LRRC4C: variants seen among roughly 807,000 people sequenced by gnomAD.
LRRC4C encodes the protein leucine-rich repeat-containing protein 4C.
In LRRC4C, 5 loss-of-function variants were observed where a neutral mutation model predicts 33.6. The ratio of observed to expected loss-of-function variants is 0.15; its 90% CI spans 0.08 to 0.31. The LOEUF (loss-of-function observed/expected upper bound fraction) is 0.31, where lower values mean the gene tolerates loss of function less well. Among genes scored for constraint, LRRC4C ranks in the 10% least tolerant of loss-of-function variants. The pLI is 1.00. For missense variants in LRRC4C, 560 were observed against 796.7 expected, an observed-to-expected ratio of 0.70 and a Z score of 3.58; for synonymous variants, 329 against 302.0, an observed-to-expected ratio of 1.09 and a Z score of -0.93.
chr11:40,799,414 A>T (rs1565076037), intron 2 of LRRC4C, among the ~76,000 whole-genome samples: 2 of 152,248 alleles, frequency 1.3e-5, no homozygotes, highest in African/African-American at 2.4e-5. Context: ...GTATAAAAAA[A>T]CAACATGGTA....
chr11:40,644,015 A>C (rs541320345), intron 3 of LRRC4C, among the ~76,000 whole-genome samples: 24 of 152,346 alleles, frequency 1.6e-4, no homozygotes, highest in African/African-American at 5.8e-4. Context: ...ATTAGATGCT[A>C]ATATCAAGGA....
rs1172804201 is a variant in LRRC4C, at chr11:40,486,476, C to T, written c.-270+161666G>A. On this transcript the variant is annotated intron_variant, in intron 3 of 6. Transcript: ENST00000528697. ...TCAAAAAGATCTAACAAGTATGATG[C>T]ATGGGCTTAACTATGATTGGTTCTC... is the stretch of plus-strand genomic sequence containing the variant. Among the ~76,000 whole-genome samples, 3 of 152,132 alleles carry T rather than the reference C, an allele frequency of 2.0e-5. No homozygotes were observed. In the East Asian group the frequency reaches 5.8e-4, roughly 29 times the overall value.
chr11:40,969,848 G>A (rs1314673790), intron 1 of LRRC4C, among the ~76,000 whole-genome samples: 1 of 152,028 alleles, frequency 6.6e-6, no homozygotes, highest in Non-Finnish European at 1.5e-5. Flanking sequence ...TATCTTTGTA[G>A]CTAATATACT....
Position 40,319,659 on chromosome 11 carries a change from T to A in LRRC4C, c.-207A>T, listed in dbSNP as rs1369168591. ...AAAATTTCTCCAACAGGTATTGATC[T>A]TCCTGAGAAAACTCAAAGAAGTTTA... On this transcript the variant is annotated 5_prime_UTR_variant, in exon 4 of 7. It adds an upstream start codon to the 5' untranslated region. Coordinates refer to ENST00000528697, the MANE Select transcript of LRRC4C (RefSeq NM_001258419.2). 2 of 152,216 alleles carry A rather than the reference T, an allele frequency of 1.3e-5. 1 individual carries two copies. The highest frequency in any genetic ancestry group is 4.8e-5 in the African/African-American group (2 of 41,460). The allele number at this position is 152,216 out of a possible 1,614,324, so 9.4% of individuals were successfully genotyped here. A position where few individuals can be genotyped will look rare whatever the true frequency, so the allele number is the denominator to read the frequency against.
intron 2 of LRRC4C, among the ~76,000 whole-genome samples, chr11:40,691,801 A>G (rs1312760258): frequency 6.6e-6 from 1 of 152,092 alleles, no homozygotes; most frequent in East Asian, 1.9e-4. Context: ...CAAAATATTT[A>G]TGTATTTTGA....
At chr11:40,911,139 A>C (rs1174601762) in intron 2 of LRRC4C, among the ~76,000 whole-genome samples, 1 of 152,134 alleles carries the variant, frequency 6.6e-6, no homozygotes, top group Non-Finnish European at 1.5e-5. Flanking sequence ...AGCCAAACAA[A>C]AGGCAGCAGA....
rs139500984 is a variant in LRRC4C, at chr11:40,653,592, C to G, written c.-406-5314G>C. On this transcript the variant is annotated intron_variant, in intron 2 of 6. Coordinates refer to ENST00000528697, the MANE Select transcript of LRRC4C (RefSeq NM_001258419.2). ...GAAGCTATTCAGTTTTATGCATTCA[C>G]AAAGATATGGTTTGGAATTGAAACT... Among the ~76,000 whole-genome samples the G allele has an allele frequency of 4.5e-3, 687 of 152,146 alleles. 7 individuals are homozygous for G. Among genetic ancestry groups the G allele is most frequent in the African/African-American group, 0.016 (662 of 41,500 alleles).
At chr11:41,190,155 CT>C (rs796563561) in intron 1 of LRRC4C, among the ~76,000 whole-genome samples, 16 of 151,644 alleles carry the variant, frequency 1.1e-4, no homozygotes, top group East Asian at 3.9e-4. Context: ...AGGACACTAG[CT>C]TTTTTTTTCT....
chr11:41,150,225 CAAAAAACTGCTAGTGTATTCT>C (rs1224156112), intron 1 of LRRC4C, among the ~76,000 whole-genome samples: 4 of 152,246 alleles, frequency 2.6e-5, no homozygotes, highest in Admixed American at 6.5e-5. Context: ...CCATTTAGCT[CAAAAAACTGCTAGTGTATTCT>C]ACATATCTGT....
intron 1 of LRRC4C, among the ~76,000 whole-genome samples, chr11:41,330,642 G>C (rs1262906892): frequency 6.6e-6 from 1 of 152,040 alleles, no homozygotes; most frequent in African/African-American, 2.4e-5. Context: ...GTGCAATCTT[G>C]CTCACTGCAG....
At position 40,828,459 on chromosome 11, in the gene LRRC4C, ATTCT is replaced by A. The variant is rs1227049378; in HGVS notation, c.-407+105172_-407+105175del. On this transcript the variant is annotated intron_variant, in intron 2 of 6. Transcript: ENST00000528697. ...ACATATTGACATATTGTAGGAACAA[ATTCT>A]TTATATATATTTAGATAATATAAAG... is the stretch of plus-strand genomic sequence containing the variant. Among the ~76,000 whole-genome samples the A allele has an allele frequency of 3.9e-5, 6 of 151,966 alleles. No homozygotes were observed. The East Asian group carries it at 7.7e-4, about 20-fold the overall frequency.
chr11:40,930,599 A>T (rs1317574469), intron 2 of LRRC4C, among the ~76,000 whole-genome samples: 2 of 152,126 alleles, frequency 1.3e-5, no homozygotes, highest in African/African-American at 2.4e-5. Context: ...CAAATTAGAG[A>T]CTGAGAGACC....
intron 2 of LRRC4C, among the ~76,000 whole-genome samples, chr11:40,762,809 C>T (rs1264462093): frequency 6.6e-6 from 1 of 151,658 alleles, no homozygotes; most frequent in Non-Finnish European, 1.5e-5. Context: ...TGTTTTGTCT[C>T]CTGCCTCCTC....
At chr11:40,271,091 T>A (rs1394787830) in intron 4 of LRRC4C, among the ~76,000 whole-genome samples, 1 of 152,150 alleles carries the variant, frequency 6.6e-6, no homozygotes, top group Non-Finnish European at 1.5e-5. Flanking sequence ...AAGGATAGGA[T>A]GTACTTCATC....
chr11:41,314,254 T>G (rs900182420), intron 1 of LRRC4C, among the ~76,000 whole-genome samples: 6 of 152,222 alleles, frequency 3.9e-5, no homozygotes, highest in Admixed American at 2.0e-4. Context: ...TGCCCTTGAA[T>G]GCCTAAAGTT....
intron 1 of LRRC4C, among the ~76,000 whole-genome samples, chr11:41,371,306 A>G (rs1952738540): frequency 6.6e-6 from 1 of 152,252 alleles, no homozygotes; most frequent in Non-Finnish European, 1.5e-5. Flanking sequence ...AGACAGATGA[A>G]GACACAAATG....
At chr11:40,253,904 T>G (rs893819780) in intron 4 of LRRC4C, among the ~76,000 whole-genome samples, 1 of 152,242 alleles carries the variant, frequency 6.6e-6, no homozygotes, top group African/African-American at 2.4e-5. Context: ...CTGCTTACGT[T>G]ATGAAGATTT....
Position 41,367,863 on chromosome 11 carries a change from T to C in LRRC4C, c.-496+91568A>G, listed in dbSNP as rs556380614. On this transcript the variant is annotated intron_variant, in intron 1 of 6. Coordinates refer to ENST00000528697, the MANE Select transcript of LRRC4C (RefSeq NM_001258419.2). ...TTAGGTTCACATTTGCCTTAATGAT[T>C]CATAATCCCTTTTTAAAAAGGTTAT... 4.6e-5 allele frequency among the ~76,000 whole-genome samples: 7 copies of C among 150,970 alleles called. No individual in the cohort carries two copies. In the South Asian group the frequency reaches 1.5e-3, roughly 31 times the overall value.
At chr11:40,608,499 A>G (rs187790539) in intron 3 of LRRC4C, among the ~76,000 whole-genome samples, 11 of 152,270 alleles carry the variant, frequency 7.2e-5, no homozygotes, top group Non-Finnish European at 5.9e-5. Flanking sequence ...CAAAATATAC[A>G]GAAAACAATT....
Sources: allele counts gnomAD v4.1 joint callset (sites outside exome capture counted in the v4.1 genomes callset), GRCh38; gene constraint gnomAD v4.1.1; transcripts MANE v1.5; gene names NCBI Gene and HGNC (gene_info 2026-07-23, HGNC 2026-07-21).